METTL9: variants seen among roughly 807,000 people sequenced by gnomAD.
METTL9 encodes the protein methyltransferase 9, His-X-His N1(pi)-histidine, also known as protein-L-histidine N-pros-methyltransferase.
Under a neutral mutation model 36.0 loss-of-function variants are expected in METTL9, and 10 were observed. The observed-to-expected ratio is 0.28, with a 90% CI of 0.17 to 0.47. The LOEUF is 0.47. METTL9 is among the 20% of genes least tolerant of loss of function. The pLI, the probability that METTL9 is intolerant of heterozygous loss-of-function variation, is 0.99. For missense variants in METTL9, 246 were observed against 383.5 expected (o/e 0.64, Z 3.00); for synonymous variants, 175 against 149.7 (o/e 1.17, Z -1.23).
intron 4 of METTL9, among the ~76,000 whole-genome samples, chr16:21,628,184 A>G (rs1049470055): frequency 1.3e-5 from 2 of 152,168 alleles, no homozygotes; most frequent in Non-Finnish European, 2.9e-5. Context: ...GGTTGTCTAC[A>G]TGTAAGCTGT....
chr16:21,611,737 T>A (rs1965429951), intron 1 of METTL9, among the ~76,000 whole-genome samples: 1 of 152,168 alleles, frequency 6.6e-6, no homozygotes, highest in Non-Finnish European at 1.5e-5. Flanking sequence ...TTTAAGTGAT[T>A]TGTCTGAGCT....
chr16:21,615,193 G>A (rs952940991), intron 2 of METTL9, among the ~76,000 whole-genome samples: 1 of 152,072 alleles, frequency 6.6e-6, no homozygotes, highest in Non-Finnish European at 1.5e-5. Context: ...ATGTTCTTTC[G>A]AAATAGGACA....
At chr16:21,599,562 G>A, upstream of METTL9, 3 of 1,284,656 alleles carry the variant, frequency 2.3e-6, 1 homozygote, top group South Asian at 4.7e-5. The surrounding 1 kb of genome is among the most constrained non-coding windows in gnomAD (Gnocchi z 4.4). Context: ...TGCCGAGGCT[G>A]CGCGCCGGCT....
intron 2 of METTL9, among the ~76,000 whole-genome samples, chr16:21,614,265 T>C (rs1291226643): frequency 6.6e-6 from 1 of 152,210 alleles, no homozygotes; most frequent in East Asian, 1.9e-4. Context: ...TGAGTCACTG[T>C]AGCAGAGATT....
intron 4 of METTL9, chr16:21,647,260 T>G (rs1314206515): frequency 6.2e-7 from 1 of 1,614,052 alleles, no homozygotes; most frequent in African/African-American, 1.3e-5. Flanking sequence ...TGAGGGAAAC[T>G]TGGTTTTCTT....
intron 4 of METTL9, among the ~76,000 whole-genome samples, chr16:21,635,053 C>A (rs1327699781): frequency 6.6e-6 from 1 of 152,130 alleles, no homozygotes; most frequent in South Asian, 2.1e-4. Flanking sequence ...TCCAAACTCT[C>A]GGGCTGCAGC....
At chr16:21,635,047 A>G (rs1966052776) in intron 4 of METTL9, among the ~76,000 whole-genome samples, 1 of 152,010 alleles carries the variant, frequency 6.6e-6, no homozygotes, top group Admixed American at 6.6e-5. Context: ...GGTATCTCCA[A>G]ACTCTCGGGC....
rs1186956818 is a variant in METTL9 at position 21,656,909 on chromosome 16, A to G, written c.*1477A>G. 6.6e-6 allele frequency: 1 copy of G among 152,154 alleles called. No homozygotes were observed. Among genetic ancestry groups the G allele is most frequent in the African/African-American group, 2.4e-5 (1 of 41,424 alleles). The allele number at this position is 152,154 out of a possible 1,614,324, so 9.4% of individuals were successfully genotyped here. On this transcript the variant is annotated 3_prime_UTR_variant, in exon 5 of 5. Coordinates refer to ENST00000358154, the MANE Select transcript of METTL9 (RefSeq NM_016025.5). ...TGCAAAATTGTTATTGGTGTGTTCT[A>G]ATGATTTTTTTCCAGGAATTCAAGT...
intron 4 of METTL9, chr16:21,653,206 G>T (rs1304038121): frequency 6.6e-6 from 1 of 152,052 alleles, no homozygotes; most frequent in Non-Finnish European, 1.5e-5. Flanking sequence ...TGCAGCCTCA[G>T]CTTCCTGAGT....
At chr16:21,602,938 C>T (rs555644151) in intron 1 of METTL9, among the ~76,000 whole-genome samples, 7 of 151,968 alleles carry the variant, frequency 4.6e-5, no homozygotes, top group African/African-American at 9.6e-5. Flanking sequence ...GGATTACAGG[C>T]GTGAGGTACT....
Position 21,656,114 on chromosome 16 carries a change from C to G in METTL9, c.*682C>G, listed in dbSNP as rs1966702791. On this transcript the variant is annotated 3_prime_UTR_variant, in exon 5 of 5. Transcript: ENST00000358154. The stretch of plus-strand genomic sequence containing the variant: ...TTGCAAATTGCAGTGAACACTGAGT[C>G]AGTAAAAAAAAAAAACAGAAACAAA... 6.7e-6 allele frequency: 1 copy of G among 149,882 alleles called. No homozygotes were observed. The highest frequency in any genetic ancestry group is 2.0e-4 in the East Asian group (1 of 5,080). 9.3% of individuals were successfully genotyped at this position (149,882 alleles called of 1,614,324 possible).
intron 4 of METTL9, among the ~76,000 whole-genome samples, chr16:21,631,679 C>A (rs1965965389): frequency 6.6e-6 from 1 of 152,124 alleles, no homozygotes; most frequent in Non-Finnish European, 1.5e-5. Context: ...AGATTTAGAT[C>A]CCCTGTTAGG....
intron 1 of METTL9, among the ~76,000 whole-genome samples, chr16:21,603,589 G>T (rs781530145): frequency 6.6e-6 from 1 of 151,930 alleles, no homozygotes; most frequent in African/African-American, 2.4e-5. Flanking sequence ...AAAAACTTAG[G>T]ATCTATTCTT....
chr16:21,643,654 G>A, intron 4 of METTL9: 1 of 1,158,776 alleles, frequency 8.6e-7, no homozygotes, highest in Non-Finnish European at 1.3e-6. Flanking sequence ...TAACAATGGT[G>A]GCAGATATCT....
At chr16:21,598,753 G>C (rs1329427142), upstream of METTL9, among the ~76,000 whole-genome samples, 1 of 152,130 alleles carries the variant, frequency 6.6e-6, no homozygotes, top group Non-Finnish European at 1.5e-5. Context: ...TCACTCTTAA[G>C]AGTGTTGGGT....
chr16:21,607,747 A>G (rs1965324767), intron 1 of METTL9, among the ~76,000 whole-genome samples: 1 of 152,214 alleles, frequency 6.6e-6, no homozygotes, highest in African/African-American at 2.4e-5. Context: ...CCAGCCTCAC[A>G]GTAGAGTGGG....
chr16:21,644,309 G>A, intron 4 of METTL9: 8 of 1,612,628 alleles, frequency 5.0e-6, no homozygotes, highest in Non-Finnish European at 6.8e-6. Context: ...GAGTATGAAG[G>A]CCACGCACAC....
At chr16:21,647,378 T>C (rs1233562463) in intron 4 of METTL9, 2 of 1,613,998 alleles carry the variant, frequency 1.2e-6, no homozygotes, top group Non-Finnish European at 1.7e-6. Flanking sequence ...TGTTGGTTGC[T>C]CAGAAGGGCA....
At chr16:21,649,934 C>G (rs761873325) in intron 4 of METTL9, among the ~76,000 whole-genome samples, 3 of 152,042 alleles carry the variant, frequency 2.0e-5, no homozygotes, top group Non-Finnish European at 4.4e-5. Flanking sequence ...GTCTTAAACT[C>G]CTGGGCTCAA....
Sources: gnomAD v4.1 joint callset for allele counts (sites outside exome capture counted in the v4.1 genomes callset) on GRCh38, gnomAD v4.1.1 for gene constraint, Gnocchi (gnomAD v3.1) non-coding constraint, MANE v1.5 for transcripts, NCBI Gene and HGNC (gene_info 2026-07-23, HGNC 2026-07-21) for gene names.